DEPTOR: variants seen among roughly 807,000 people sequenced by gnomAD.
DEPTOR encodes the protein DEP domain containing MTOR interacting protein.
DEPTOR carries 41 observed loss-of-function variants against 41.6 expected under a neutral mutation model. The ratio of observed to expected loss-of-function variants is 0.98; its 90% CI spans 0.77 to 1.28. The LOEUF (loss-of-function observed/expected upper bound fraction) is 1.28, where lower values mean the gene tolerates loss of function less well. DEPTOR is among the 50% of genes most tolerant of loss of function. The probability of loss-of-function intolerance (pLI) is 0.00; values close to 1 mark genes in which losing one functional copy is unlikely to be tolerated. For missense variants in DEPTOR, 514 were observed against 527.9 expected (o/e 0.97, Z 0.26); for synonymous variants, 195 against 192.3 (o/e 1.01, Z -0.12).
intron 4 of DEPTOR, among the ~76,000 whole-genome samples, chr8:119,979,603 T>C (rs1828737642): frequency 6.6e-6 from 1 of 152,078 alleles, no homozygotes; most frequent in African/African-American, 2.4e-5. Context: ...TTTTTTCTCC[T>C]CTGAGTGATG....
intron 1 of DEPTOR, among the ~76,000 whole-genome samples, chr8:119,910,543 C>T (rs1315296329): frequency 3.3e-5 from 5 of 151,870 alleles, no homozygotes; most frequent in Admixed American, 2.6e-4. Flanking sequence ...ACCTCCGCCT[C>T]CCGGTTTCAA....
chr8:120,015,756 C>T (rs1370014915), intron 8 of DEPTOR, among the ~76,000 whole-genome samples: 1 of 152,164 alleles, frequency 6.6e-6, no homozygotes, highest in Non-Finnish European at 1.5e-5. Flanking sequence ...TGGATACCAG[C>T]CAGTTTTATA....
rs541516683 is a variant in DEPTOR at position 119,951,943 on chromosome 8, C to G, written c.426-13289C>G. On this transcript the variant is annotated intron_variant, in intron 3 of 8. Coordinates refer to ENST00000286234, the MANE Select transcript of DEPTOR (RefSeq NM_022783.4). Reference sequence around the variant, plus strand: ...ACCTGAGTCAGGAGTTCAAGACAAGCCTGGGCAACATGGCAAAACCCTGTC... The same window carrying G: ...ACCTGAGTCAGGAGTTCAAGACAAGGCTGGGCAACATGGCAAAACCCTGTC... Among the ~76,000 whole-genome samples the G allele has an allele frequency of 7.9e-5, 12 of 152,170 alleles. No homozygotes were observed. In the East Asian group the frequency reaches 2.3e-3, roughly 29 times the overall value.
In DEPTOR at chr8:120,033,940, G is replaced by A. The variant is rs759902140; in HGVS notation, c.1102-15636G>A. 3.3e-5 allele frequency among the ~76,000 whole-genome samples: 5 copies of A among 152,110 alleles called. No individual in the cohort carries two copies. In the East Asian group the frequency reaches 7.7e-4, roughly 24 times the overall value. On this transcript the variant is annotated intron_variant, in intron 8 of 8. Coordinates refer to ENST00000286234, the MANE Select transcript of DEPTOR (RefSeq NM_022783.4). Reference sequence around the variant, plus strand: ...ACAAATGAAGGGGCGGGTGACTCACGCCTGTAATCCCAGCTCCACCGGGGG... The same window carrying A: ...ACAAATGAAGGGGCGGGTGACTCACACCTGTAATCCCAGCTCCACCGGGGG...
At chr8:119,938,079 A>G (rs765242166) in intron 3 of DEPTOR, among the ~76,000 whole-genome samples, 5 of 152,236 alleles carry the variant, frequency 3.3e-5, no homozygotes, top group African/African-American at 7.2e-5. Context: ...GCTTCTGCTT[A>G]TAAGACATAA....
At chr8:119,921,505 G>A (rs1033338793) in intron 1 of DEPTOR, among the ~76,000 whole-genome samples, 5 of 152,058 alleles carry the variant, frequency 3.3e-5, no homozygotes, top group Middle Eastern at 3.4e-3. Context: ...TTTTAACCCC[G>A]GTGACATGTC....
intron 3 of DEPTOR, among the ~76,000 whole-genome samples, chr8:119,942,087 G>A (rs1828211515): frequency 6.6e-6 from 1 of 152,158 alleles, no homozygotes; most frequent in Admixed American, 6.5e-5. Flanking sequence ...TTGTTAACAT[G>A]CAAAACAGGC....
chr8:120,028,064 A>G (rs1812826697), intron 8 of DEPTOR, among the ~76,000 whole-genome samples: 1 of 152,200 alleles, frequency 6.6e-6, no homozygotes, highest in South Asian at 2.1e-4. Flanking sequence ...AAAGGGCTGC[A>G]TTGATTTTCA....
At chr8:120,012,835 G>A (rs570560044) in intron 8 of DEPTOR, among the ~76,000 whole-genome samples, 3 of 151,524 alleles carry the variant, frequency 2.0e-5, no homozygotes, top group Admixed American at 6.6e-5. Context: ...ACGCCCAGCC[G>A]AATTTTTTAG....
At position 120,049,541 on chromosome 8, in the gene DEPTOR, A is replaced by C. The variant is rs749256213; in HGVS notation, c.1102-35A>C. 1.9e-6 allele frequency: 3 copies of C among 1,608,332 alleles called. No individual in the cohort carries two copies. In the East Asian group the frequency reaches 6.7e-5, roughly 36 times the overall value. On this transcript the variant is annotated intron_variant, in intron 8 of 8. Coordinates refer to ENST00000286234, the MANE Select transcript of DEPTOR (RefSeq NM_022783.4). The stretch of plus-strand genomic sequence containing the variant: ...AAAGCTTTGTGCAAAACCAGGCGCT[A>C]TAATAGATGCTCTTTCTTTGCATCT...
In DEPTOR at chr8:119,921,173, C is replaced by T. The variant is rs1366464853; in HGVS notation, c.123-7227C>T. ...TGTATTTTTAGTAGAGATGGGGTTT[C>T]ACCATATTGGCCAGGTTGGTCTCGA... On this transcript the variant is annotated intron_variant, in intron 1 of 8. Coordinates refer to ENST00000286234, the MANE Select transcript of DEPTOR (RefSeq NM_022783.4). Among the ~76,000 whole-genome samples, 5 of 152,248 alleles carry T rather than the reference C, an allele frequency of 3.3e-5. No homozygotes were observed. In the East Asian group the frequency reaches 7.7e-4, roughly 24 times the overall value.
At chr8:120,033,640 A>G (rs1422102604) in intron 8 of DEPTOR, among the ~76,000 whole-genome samples, 1 of 152,216 alleles carries the variant, frequency 6.6e-6, no homozygotes, top group Non-Finnish European at 1.5e-5. Flanking sequence ...AGGAACGAAG[A>G]TTTGGAGGGA....
chr8:120,015,834 T>G (rs571835715), intron 8 of DEPTOR, among the ~76,000 whole-genome samples: 1 of 152,248 alleles, frequency 6.6e-6, no homozygotes, highest in East Asian at 1.9e-4. Flanking sequence ...AGGCATGTCA[T>G]TCACGTAGCC....
At chr8:119,983,022 ATAAC>A (rs969747274) in intron 4 of DEPTOR, among the ~76,000 whole-genome samples, 2 of 152,236 alleles carry the variant, frequency 1.3e-5, no homozygotes, top group African/African-American at 4.8e-5. Flanking sequence ...TTTTCATTAA[ATAAC>A]TAAGCAAACT....
chr8:120,026,147 C>T (rs139156014), intron 8 of DEPTOR, among the ~76,000 whole-genome samples: 12 of 150,272 alleles, frequency 8.0e-5, no homozygotes, highest in African/African-American at 2.0e-4. Flanking sequence ...CCACCATGTC[C>T]GGCTATTTTT....
chr8:119,904,529 C>G (rs1046058688), intron 1 of DEPTOR, among the ~76,000 whole-genome samples: 4 of 152,116 alleles, frequency 2.6e-5, no homozygotes, highest in African/African-American at 9.7e-5. Flanking sequence ...GAGTCTCACT[C>G]TGTCACGCAG....
intron 8 of DEPTOR, among the ~76,000 whole-genome samples, chr8:120,037,585 C>A (rs1221800851): frequency 6.6e-6 from 1 of 152,110 alleles, no homozygotes; most frequent in Non-Finnish European, 1.5e-5. Context: ...TATCGTTCCA[C>A]CTGGAATCTT....
At position 119,928,665 on chromosome 8, in the gene DEPTOR, T is replaced by G; in HGVS notation, c.301+87T>G. 3 of 1,439,780 alleles carry G rather than the reference T, an allele frequency of 2.1e-6. No individual in the cohort carries two copies. The South Asian group carries it at 4.5e-5, about 22-fold the overall frequency. 89.2% of individuals were successfully genotyped at this position (1,439,780 alleles called of 1,614,324 possible). On this transcript the variant is annotated intron_variant, in intron 2 of 8. Transcript: ENST00000286234. ...ACATACCCACTTAAGAAAGAAAACA[T>G]TTTGCTTTATTTTATCTCCAGTGTA...
intron 1 of DEPTOR, among the ~76,000 whole-genome samples, chr8:119,924,744 CTTTTA>C (rs1352579330): frequency 2.0e-5 from 3 of 151,752 alleles, no homozygotes; most frequent in African/African-American, 7.3e-5. Flanking sequence ...TTCTTTCCAA[CTTTTA>C]TTTTCGTTTC....
Sources: gnomAD v4.1 joint callset for allele counts (sites outside exome capture counted in the v4.1 genomes callset) on GRCh38, gnomAD v4.1.1 for gene constraint, MANE v1.5 for transcripts, NCBI Gene and HGNC (gene_info 2026-07-23, HGNC 2026-07-21) for gene names.